RSPO2: variants seen among roughly 807,000 people sequenced by gnomAD.
RSPO2 encodes R-spondin-2.
In RSPO2, 14 loss-of-function variants were observed where a neutral mutation model predicts 30.9. That is an observed-to-expected ratio of 0.45 (90% confidence interval 0.30 to 0.71). The LOEUF is 0.71. Ranked by LOEUF, RSPO2 falls within the 30% of genes least tolerant of loss-of-function variation. RSPO2 has a pLI of 0.08. For missense variants in RSPO2, 264 were observed against 301.9 expected (o/e 0.87, Z 0.93); for synonymous variants, 107 against 96.4 (o/e 1.11, Z -0.64).
At chr8:107,933,264 C>A (rs1311208054) in intron 5 of RSPO2, among the ~76,000 whole-genome samples, 1 of 152,152 alleles carries the variant, frequency 6.6e-6, no homozygotes, top group African/African-American at 2.4e-5. Flanking sequence ...TCTAGCATTA[C>A]AACCTAGTCC....
chr8:107,973,412 C>A (rs145938625), intron 3 of RSPO2, among the ~76,000 whole-genome samples: 20 of 152,088 alleles, frequency 1.3e-4, no homozygotes, highest in African/African-American at 4.8e-4. Flanking sequence ...GCAGGTTTGA[C>A]CTATATCGGT....
chr8:108,039,371 C>T (rs531320459), intron 2 of RSPO2, among the ~76,000 whole-genome samples: 82 of 152,170 alleles, frequency 5.4e-4, no homozygotes, highest in African/African-American at 1.8e-3. Context: ...GGTATTAACT[C>T]ATTTAGTATT....
chr8:107,935,174 C>G (rs1162094429), intron 5 of RSPO2, among the ~76,000 whole-genome samples: 1 of 152,098 alleles, frequency 6.6e-6, no homozygotes, highest in Admixed American at 6.6e-5. Flanking sequence ...CAGCAAGGAA[C>G]AGCCCTAAGA....
At chr8:108,038,968 G>C (rs555179861) in intron 2 of RSPO2, among the ~76,000 whole-genome samples, 34 of 152,134 alleles carry the variant, frequency 2.2e-4, no homozygotes, top group Non-Finnish European at 3.4e-4. Flanking sequence ...TCAGTACCTA[G>C]GAAGTTATTT....
At chr8:107,921,645 C>G (rs1055229302) in intron 5 of RSPO2, among the ~76,000 whole-genome samples, 2 of 151,586 alleles carry the variant, frequency 1.3e-5, no homozygotes, top group African/African-American at 4.8e-5. Flanking sequence ...CAAAACCTGA[C>G]AAGAAAAAAG....
At chr8:108,040,650 C>G (rs532115072) in intron 2 of RSPO2, among the ~76,000 whole-genome samples, 12 of 152,212 alleles carry the variant, frequency 7.9e-5, no homozygotes, top group African/African-American at 2.9e-4. Flanking sequence ...AAAGAGTAAT[C>G]AGATGATGAC....
At chr8:107,918,733 A>G (rs1401556371) in intron 5 of RSPO2, among the ~76,000 whole-genome samples, 1 of 152,256 alleles carries the variant, frequency 6.6e-6, no homozygotes, top group East Asian at 1.9e-4. Context: ...AAAAATAATT[A>G]TTCTCGCTGC....
At chr8:107,974,018 A>G (rs1267085395) in intron 3 of RSPO2, among the ~76,000 whole-genome samples, 1 of 144,872 alleles carries the variant, frequency 6.9e-6, no homozygotes, top group African/African-American at 2.4e-5. Flanking sequence ...AGCCCTCTGT[A>G]TTGGCTCATT....
chr8:107,973,368 A>C (rs1814075210), intron 3 of RSPO2, among the ~76,000 whole-genome samples: 1 of 149,554 alleles, frequency 6.7e-6, no homozygotes, highest in African/African-American at 2.5e-5. Flanking sequence ...TGTCTGTATT[A>C]CATGGTTTAA....
chr8:107,919,755 AG>A (rs1448731459), intron 5 of RSPO2, among the ~76,000 whole-genome samples: 5 of 152,076 alleles, frequency 3.3e-5, no homozygotes, highest in Admixed American at 6.6e-5. Flanking sequence ...CCACCCACCA[AG>A]TTGTCCTTAA....
chr8:107,994,140 T>A (rs1413265624), intron 2 of RSPO2, among the ~76,000 whole-genome samples: 1 of 152,136 alleles, frequency 6.6e-6, no homozygotes, highest in African/African-American at 2.4e-5. Flanking sequence ...GATGGAAATG[T>A]GCTATATCTT....
intron 3 of RSPO2, among the ~76,000 whole-genome samples, chr8:107,982,643 C>A (rs1313788205): frequency 7.2e-5 from 11 of 152,276 alleles, no homozygotes; most frequent in South Asian, 6.2e-4. Flanking sequence ...TAATCACTGG[C>A]TGCTTTCCTA....
At chr8:108,049,746 T>TGGCTACATAGTATTCCATGGTGTATATG (rs1563579054) in intron 2 of RSPO2, among the ~76,000 whole-genome samples, 2 of 152,186 alleles carry the variant, frequency 1.3e-5, no homozygotes, top group African/African-American at 4.8e-5. Context: ...TTCTTTTTTA[T>TGGCTACATAGTATTCCATGGTGTATATG]GGCTACATAG....
chr8:107,992,174 T>TACACACACACACACACACACACAC (rs35054419), intron 2 of RSPO2, among the ~76,000 whole-genome samples: 17 of 142,068 alleles, frequency 1.2e-4, no homozygotes, highest in East Asian at 6.2e-4. Context: ...GAAAATGTGA[T>TACACACACACACACACACACACAC]ACACACACAC....
At chr8:108,019,703 A>G (rs1051954515) in intron 2 of RSPO2, among the ~76,000 whole-genome samples, 1 of 152,228 alleles carries the variant, frequency 6.6e-6, no homozygotes, top group Non-Finnish European at 1.5e-5. Flanking sequence ...TGACAAGAAC[A>G]CTAGTCAGTC....
chr8:107,989,253 G>GA lies in RSPO2; in HGVS notation c.95-10dup, dbSNP rs772725609. 14 of 1,529,594 alleles carry GA rather than the reference G, an allele frequency of 9.2e-6. No individual in the cohort carries two copies. In the South Asian group the frequency reaches 1.8e-4, roughly 20 times the overall value. 94.8% of individuals were successfully genotyped at this position (1,529,594 alleles called of 1,614,324 possible). A position where few individuals can be genotyped will look rare whatever the true frequency, so the allele number is the denominator to read the frequency against. On this transcript the variant is annotated splice_polypyrimidine_tract_variant and intron_variant, in intron 2 of 5. Transcript: ENST00000276659. ...ATTTGATACATAACTAGCTGTAAAAGAAAAACAAAAATTGTGTTTAATTAT... is the reference window on the plus strand; with the variant it reads ...ATTTGATACATAACTAGCTGTAAAAGAAAAAACAAAAATTGTGTTTAATTAT...
chr8:108,015,049 A>AT (rs1383859996), intron 2 of RSPO2, among the ~76,000 whole-genome samples: 1 of 152,146 alleles, frequency 6.6e-6, no homozygotes, highest in African/African-American at 2.4e-5. Context: ...CACTTGCTAC[A>AT]TATTTTCTTT....
At chr8:108,034,579 G>A (rs1361724615) in intron 2 of RSPO2, among the ~76,000 whole-genome samples, 1 of 152,200 alleles carries the variant, frequency 6.6e-6, no homozygotes, top group African/African-American at 2.4e-5. Flanking sequence ...TGAGTTATGG[G>A]TGTAGGAGGT....
intron 2 of RSPO2, among the ~76,000 whole-genome samples, chr8:108,012,958 T>C (rs1810755634): frequency 1.3e-5 from 2 of 152,196 alleles, no homozygotes; most frequent in Non-Finnish European, 2.9e-5. Context: ...TCTTGCTACA[T>C]TGGATCAGGC....
Sources: gnomAD v4.1 joint callset for allele counts (sites outside exome capture counted in the v4.1 genomes callset) on GRCh38, gnomAD v4.1.1 for gene constraint, MANE v1.5 for transcripts, NCBI Gene and HGNC (gene_info 2026-07-23, HGNC 2026-07-21) for gene names.